The following FAM114A2 variants were observed in gnomAD, a reference collection of about 807,000 sequenced individuals.
FAM114A2 encodes the protein family with sequence similarity 114 member A2, also known as protein FAM114A2.
In FAM114A2, 53 loss-of-function variants were observed where a neutral mutation model predicts 58.4. The ratio of observed to expected loss-of-function variants is 0.91; its 90% CI spans 0.73 to 1.14. FAM114A2 has a LOEUF of 1.14. Ranked by LOEUF, FAM114A2 falls within the 50% of genes most tolerant of loss-of-function variation. The pLI is 0.00. For missense variants in FAM114A2, 601 were observed against 581.1 expected, an observed-to-expected ratio of 1.03 and a Z score of -0.35; for synonymous variants, 228 against 211.4, an observed-to-expected ratio of 1.08 and a Z score of -0.68.
chr5:154,004,275 G>A (rs1352364984), intron 9 of FAM114A2, among the ~76,000 whole-genome samples: 3 of 151,992 alleles, frequency 2.0e-5, no homozygotes, highest in Non-Finnish European at 4.4e-5. Flanking sequence ...TGACCTTTAT[G>A]ACCATTTCTC....
chr5:154,012,051 G>A (rs1456158441), intron 8 of FAM114A2, among the ~76,000 whole-genome samples: 2 of 152,084 alleles, frequency 1.3e-5, no homozygotes, highest in Non-Finnish European at 2.9e-5. Context: ...CACTTTGGTG[G>A]CTGGGTGGAG....
intron 9 of FAM114A2, among the ~76,000 whole-genome samples, chr5:154,006,584 A>C (rs1770359966): frequency 6.6e-6 from 1 of 152,198 alleles, no homozygotes; most frequent in Non-Finnish European, 1.5e-5. Flanking sequence ...TGAGGTTTAC[A>C]GAAGAGAACA....
chr5:154,025,491 CAG>C (rs1771716921), intron 8 of FAM114A2, among the ~76,000 whole-genome samples: 1 of 152,068 alleles, frequency 6.6e-6, no homozygotes, highest in South Asian at 2.1e-4. Context: ...TATTATGATG[CAG>C]AGTTCTGACT....
intron 4 of FAM114A2, among the ~76,000 whole-genome samples, chr5:154,030,349 T>C (rs370562734): frequency 2.0e-5 from 3 of 152,216 alleles, no homozygotes; most frequent in African/African-American, 7.2e-5. Context: ...ATTTCAGTAT[T>C]ATCAAATATT....
chr5:154,008,317 G>A (rs1215832818), intron 9 of FAM114A2, among the ~76,000 whole-genome samples: 2 of 152,084 alleles, frequency 1.3e-5, no homozygotes, highest in Non-Finnish European at 2.9e-5. Context: ...ATTTTTGGAA[G>A]CGTATTAATA....
chr5:154,002,575 G>A (rs777577975), intron 10 of FAM114A2, among the ~76,000 whole-genome samples, 185 bp from the exon 11 acceptor site: 5 of 152,194 alleles, frequency 3.3e-5, no homozygotes, highest in African/African-American at 9.7e-5. Context: ...CAGGTGTGAC[G>A]AAGTAACTAA....
chr5:154,027,098 T>C, intron 7 of FAM114A2, 78 bp downstream of exon 7: 9 of 1,188,772 alleles, frequency 7.6e-6, no homozygotes, highest in Non-Finnish European at 1.1e-5. Flanking sequence ...ATCTTCCAAA[T>C]GTACAAAGAG....
chr5:153,994,869 TA>T, intron 13 of FAM114A2, 49 bp downstream of exon 13: 1 of 1,216,092 alleles, frequency 8.2e-7, no homozygotes, highest in Middle Eastern at 1.9e-4. Flanking sequence ...TCAGAAGAGT[TA>T]ATTATACGTA....
chr5:154,011,314 T>G lies in FAM114A2; in HGVS notation c.920A>C (p.Glu307Ala), dbSNP rs747686108. ...EEEEEEKKGDEDFTKDITELF... is the reference protein window; with the variant it reads ...EEEEEEKKGDADFTKDITELF... ...CTCTGTTATGTCCTTGGTAAAATCT[T>G]CATCCCCTAAAAAACCAAGTCCCAT... The change falls in exon 9 of 14, where the codon GAA (glutamate) becomes GCA (alanine). Residue 307 changes from glutamate (E) to alanine (A), a missense_variant. Glu to Ala is a moderately radical substitution (Grantham distance 107, BLOSUM62 -1). Coordinates refer to ENST00000351797, the MANE Select transcript of FAM114A2 (RefSeq NM_018691.4). 5 of 1,611,576 alleles carry G rather than the reference T, an allele frequency of 3.1e-6. No homozygotes were observed. The highest frequency in any genetic ancestry group is 4.2e-6 in the Non-Finnish European group (5 of 1,178,514).
At position 154,028,301 on chromosome 5, in the gene FAM114A2, C is replaced by A. The variant is rs1771944888; in HGVS notation, c.496-18G>T. ...CTCTTTCCCTAGAAAATACATGCAACCTCATTACAACAATATTAAGAAAAC... is the reference window on the plus strand; with the variant it reads ...CTCTTTCCCTAGAAAATACATGCAAACTCATTACAACAATATTAAGAAAAC... On this transcript the variant is annotated intron_variant, in intron 5 of 13. Transcript: ENST00000351797. The A allele has an allele frequency of 1.3e-6, 2 of 1,538,222 alleles. No individual in the cohort carries two copies. Among genetic ancestry groups the A allele is most frequent in the Middle Eastern group, 1.7e-4 (1 of 5,816 alleles).
chr5:154,015,921 TAAAA>T (rs1340498595), intron 8 of FAM114A2, among the ~76,000 whole-genome samples: 2 of 151,554 alleles, frequency 1.3e-5, no homozygotes, highest in Non-Finnish European at 2.9e-5. Flanking sequence ...ATAGCATAAA[TAAAA>T]AAACAATCCA....
At chr5:154,011,989 C>A (rs1296515422) in intron 8 of FAM114A2, among the ~76,000 whole-genome samples, 2 of 152,036 alleles carry the variant, frequency 1.3e-5, no homozygotes, top group Non-Finnish European at 2.9e-5. Context: ...AAGTGAGGAA[C>A]CACTGAATGG....
chr5:154,010,633 A>T (rs570326558), intron 9 of FAM114A2, among the ~76,000 whole-genome samples: 17 of 152,248 alleles, frequency 1.1e-4, no homozygotes, highest in African/African-American at 4.1e-4. Context: ...GACCCAGTGA[A>T]CAGTGTCCCA....
intron 9 of FAM114A2, among the ~76,000 whole-genome samples, chr5:154,007,025 G>A (rs1055962957): frequency 6.6e-6 from 1 of 152,032 alleles, no homozygotes; most frequent in Non-Finnish European, 1.5e-5. Flanking sequence ...TTGAACTCCT[G>A]ACTTCATGAT....
chr5:154,026,426 A>C lies in FAM114A2; in HGVS notation c.886T>G (p.Cys296Gly). 6.3e-7 allele frequency: 1 copy of C among 1,580,358 alleles called. No individual in the cohort carries two copies. The highest frequency in any genetic ancestry group is 8.6e-7 in the Non-Finnish European group (1 of 1,166,474). The stretch of plus-strand genomic sequence containing the variant: ...TTTTTCTCTTCTTCCTCTTCTTCAC[A>C]AAATTCTGCTAGAGAAAATGTTTCT... ...LKETFSLAEFCEEEEEEKKGD... is the reference protein window; with the variant it reads ...LKETFSLAEFGEEEEEEKKGD... Residue 296 changes from cysteine to glycine, a missense_variant, in exon 8 of 14, where the codon TGT (cysteine) becomes GGT (glycine). Physicochemically the swap from Cys to Gly is radical, Grantham distance 159. Transcript: ENST00000351797.
At chr5:154,018,865 G>C (rs887667048) in intron 8 of FAM114A2, among the ~76,000 whole-genome samples, 2 of 152,126 alleles carry the variant, frequency 1.3e-5, no homozygotes, top group African/African-American at 4.8e-5. Flanking sequence ...CATCCTTTAT[G>C]ATTAAAACTC....
chr5:154,022,040 G>A (rs1160992107), intron 8 of FAM114A2, among the ~76,000 whole-genome samples: 2 of 152,136 alleles, frequency 1.3e-5, no homozygotes, highest in Non-Finnish European at 2.9e-5. Context: ...ACAAGCAATG[G>A]GGAAAGGATT....
At chr5:154,038,406 C>G (rs1287835594) in intron 1 of FAM114A2, 1 of 152,248 alleles carries the variant, frequency 6.6e-6, no homozygotes, top group Non-Finnish European at 1.5e-5. Flanking sequence ...CTCTCCGTTT[C>G]CTCATCTGTC....
chr5:154,034,662 T>C (rs1014995300), intron 2 of FAM114A2, 82 bp downstream of exon 2: 1 of 1,002,166 alleles, frequency 1.0e-6, no homozygotes, highest in South Asian at 1.4e-5. Flanking sequence ...AATTGGTATT[T>C]ATGCCAAATT....
Sources: allele counts gnomAD v4.1 joint callset (sites outside exome capture counted in the v4.1 genomes callset), GRCh38; gene constraint gnomAD v4.1.1; transcripts MANE v1.5; gene names NCBI Gene and HGNC (gene_info 2026-07-23, HGNC 2026-07-21).